The following PDCD6IP variants were observed in gnomAD, a reference collection of about 807,000 sequenced individuals.
PDCD6IP encodes programmed cell death 6 interacting protein, also known as programmed cell death 6-interacting protein.
In PDCD6IP, 43 loss-of-function variants were observed where a neutral mutation model predicts 103.7. The ratio of observed to expected loss-of-function variants is 0.41; its 90% CI spans 0.32 to 0.53. The LOEUF is 0.53. Ranked by LOEUF, PDCD6IP falls within the 20% of genes least tolerant of loss-of-function variation. PDCD6IP has a pLI of 0.16. For missense variants in PDCD6IP, 871 were observed against 1,036.7 expected (o/e 0.84, Z 2.20); for synonymous variants, 354 against 378.7 (o/e 0.93, Z 0.76).
At chr3:33,859,767 A>G (rs937757786) in intron 15 of PDCD6IP, among the ~76,000 whole-genome samples, 2 of 152,220 alleles carry the variant, frequency 1.3e-5, no homozygotes, top group Non-Finnish European at 2.9e-5. Context: ...TTTTAGCTGT[A>G]AAGAATAATA....
chr3:33,859,360 G>A (rs887478271), intron 15 of PDCD6IP, among the ~76,000 whole-genome samples: 14 of 151,616 alleles, frequency 9.2e-5, no homozygotes, highest in African/African-American at 3.4e-4. Flanking sequence ...TAAAAAAAAA[G>A]AAAAGAATAA....
chr3:33,831,041 G>A (rs1697233283), intron 7 of PDCD6IP, among the ~76,000 whole-genome samples: 1 of 152,054 alleles, frequency 6.6e-6, no homozygotes, highest in South Asian at 2.1e-4. Flanking sequence ...AGATAAAATG[G>A]CAGCAAAGGT....
At chr3:33,856,062 T>C (rs772592574) in intron 15 of PDCD6IP, among the ~76,000 whole-genome samples, 1 of 152,178 alleles carries the variant, frequency 6.6e-6, no homozygotes, top group African/African-American at 2.4e-5. Context: ...TAGATTCTCA[T>C]AGGAGCGCAA....
At chr3:33,855,742 G>A (rs1429338711) in intron 15 of PDCD6IP, among the ~76,000 whole-genome samples, 1 of 152,168 alleles carries the variant, frequency 6.6e-6, no homozygotes, top group African/African-American at 2.4e-5. Context: ...CTGATAAAAG[G>A]TGGAAAACAT....
intron 3 of PDCD6IP, among the ~76,000 whole-genome samples, chr3:33,814,659 A>G (rs572091069): frequency 2.2e-5 from 3 of 137,366 alleles, no homozygotes; most frequent in African/African-American, 8.6e-5. Context: ...TGTATTATAT[A>G]TGCATGTATG....
At position 33,865,379 on chromosome 3, in the gene PDCD6IP, C is replaced by T. The variant is rs1698041975; in HGVS notation, c.2381C>T (p.Pro794Leu). 1 of 1,600,962 alleles carries T rather than the reference C, an allele frequency of 6.2e-7. No individual in the cohort carries two copies. The highest frequency in any genetic ancestry group is 8.5e-7 in the Non-Finnish European group (1 of 1,174,328). Reference protein sequence around the residue: ...PAPSQTPGSAPPPQAQGPPYP... With the variant: ...PAPSQTPGSALPPQAQGPPYP... ...CCATCACAAACGCCTGGCTCAGCTC[C>T]TCCTCCACAGGCGCAGGGACCACCC... Residue 794 changes from proline to leucine, a missense_variant, in exon 17 of 18, where the codon CCT (proline) becomes CTT (leucine). This residue lies in a region of PDCD6IP where 202 missense variants were observed against 205.2 expected (regional missense o/e 0.98). Coordinates refer to ENST00000307296, the MANE Select transcript of PDCD6IP (RefSeq NM_013374.6).
chr3:33,839,281 A>T (rs1290021074), intron 9 of PDCD6IP, among the ~76,000 whole-genome samples: 1 of 152,222 alleles, frequency 6.6e-6, no homozygotes, highest in East Asian at 1.9e-4. Flanking sequence ...TACTTTTTAT[A>T]CAATTTAAAA....
At chr3:33,851,027 C>T (rs994509508) in intron 12 of PDCD6IP, among the ~76,000 whole-genome samples, 2 of 152,004 alleles carry the variant, frequency 1.3e-5, no homozygotes, top group African/African-American at 4.8e-5. Flanking sequence ...AATTCACCTA[C>T]ATTTAGCAGA....
chr3:33,835,343 G>A (rs550195750), intron 7 of PDCD6IP: 1 of 456,360 alleles, frequency 2.2e-6, no homozygotes, highest in Admixed American at 2.4e-5. Flanking sequence ...TCTGTGTTGT[G>A]TGGTTTCCAG....
rs554307125 is a variant in PDCD6IP, at chr3:33,806,639, A to G, written c.210-5433A>G. Among the ~76,000 whole-genome samples the G allele has an allele frequency of 1.0e-3, 156 of 152,290 alleles. 1 individual carries two copies. The highest frequency in any genetic ancestry group is 3.3e-3 in the African/African-American group (138 of 41,558). On this transcript the variant is annotated intron_variant, in intron 1 of 17. Coordinates refer to ENST00000307296, the MANE Select transcript of PDCD6IP (RefSeq NM_013374.6). ...TATACAAAACTTGCAGCCTAGGTCTACTTTGTTAGAGATACATCCTAGGCT... is the reference window on the plus strand; with the variant it reads ...TATACAAAACTTGCAGCCTAGGTCTGCTTTGTTAGAGATACATCCTAGGCT...
At chr3:33,840,998 T>C (rs1276484048) in intron 9 of PDCD6IP, among the ~76,000 whole-genome samples, 1 of 151,862 alleles carries the variant, frequency 6.6e-6, no homozygotes, top group African/African-American at 2.4e-5. Context: ...TATATTTTAA[T>C]GCGGTCATAG....
chr3:33,810,830 T>A (rs571337650), intron 1 of PDCD6IP, among the ~76,000 whole-genome samples: 1 of 152,144 alleles, frequency 6.6e-6, no homozygotes, highest in African/African-American at 2.4e-5. Flanking sequence ...AAGTTCACAT[T>A]GATATCTCCA....
chr3:33,848,237 C>T (rs1048408104), intron 12 of PDCD6IP, among the ~76,000 whole-genome samples: 18 of 152,084 alleles, frequency 1.2e-4, no homozygotes, highest in Non-Finnish European at 2.5e-4. Context: ...GTACCTTGGT[C>T]CCTAACATAA....
intron 3 of PDCD6IP, among the ~76,000 whole-genome samples, chr3:33,816,259 C>A (rs1287152865): frequency 1.3e-5 from 2 of 152,132 alleles, no homozygotes; most frequent in Admixed American, 6.6e-5. Context: ...GTAATCCCAG[C>A]AGTTTGGGAG....
intron 12 of PDCD6IP, among the ~76,000 whole-genome samples, chr3:33,846,037 A>G (rs1450250251): frequency 1.3e-5 from 2 of 152,226 alleles, no homozygotes; most frequent in East Asian, 1.9e-4. Flanking sequence ...GGATAGCACC[A>G]TCATGGTATT....
At chr3:33,850,868 CT>C (rs1697698150) in intron 12 of PDCD6IP, among the ~76,000 whole-genome samples, 1 of 152,048 alleles carries the variant, frequency 6.6e-6, no homozygotes, top group Non-Finnish European at 1.5e-5. Context: ...GCCTTCTCCC[CT>C]GTACCCTCTT....
In PDCD6IP at chr3:33,804,641, C is replaced by G. The variant is rs150118398; in HGVS notation, c.209+5704C>G. Among the ~76,000 whole-genome samples, 94 of 152,344 alleles carry G rather than the reference C, an allele frequency of 6.2e-4. No individual in the cohort carries two copies. In the East Asian group the frequency reaches 0.016, roughly 26 times the overall value. On this transcript the variant is annotated intron_variant, in intron 1 of 17. Transcript: ENST00000307296. ...TGGTGTTTAGTAAATCTTATCAGGA[C>G]TATCATCATTCTGTGTATCTGTAAG...
In PDCD6IP at chr3:33,828,881, A is replaced by G; in HGVS notation, c.746A>G (p.His249Arg). 2 of 1,613,074 alleles carry G rather than the reference A, an allele frequency of 1.2e-6. No individual in the cohort carries two copies. The highest frequency in any genetic ancestry group is 8.5e-7 in the Non-Finnish European group (1 of 1,179,256). The change falls in exon 7 of 18, where the codon CAC (histidine) becomes CGC (arginine). Residue 249 changes from histidine (H) to arginine (R), a missense_variant. His to Arg is a conservative substitution (Grantham distance 29). This residue lies in a region of PDCD6IP where 242 missense variants were observed against 250.7 expected (regional missense o/e 0.97). Coordinates refer to ENST00000307296, the MANE Select transcript of PDCD6IP (RefSeq NM_013374.6). ...GTGTTCCCTGTCTTGGCTGCAAAGCACTGTATCATGCAGGCCAATGCTGAG... is the reference window on the plus strand; with the variant it reads ...GTGTTCCCTGTCTTGGCTGCAAAGCGCTGTATCATGCAGGCCAATGCTGAG... ...KEVFPVLAAK[H>R]CIMQANAEYH...
chr3:33,820,910 A>G (rs1221908263), intron 3 of PDCD6IP, among the ~76,000 whole-genome samples: 1 of 152,192 alleles, frequency 6.6e-6, no homozygotes, highest in Non-Finnish European at 1.5e-5. Context: ...TTGGGGGTGT[A>G]TACTCAAAAG....
Sources: gnomAD v4.1 joint callset for allele counts (sites outside exome capture counted in the v4.1 genomes callset) on GRCh38, gnomAD v4.1.1 for gene constraint, gnomAD v4.1.1 regional missense constraint, MANE v1.5 for transcripts, NCBI Gene and HGNC (gene_info 2026-07-23, HGNC 2026-07-21) for gene names.